RNGTT: variants seen among roughly 807,000 people sequenced by gnomAD.
RNGTT encodes mRNA-capping enzyme.
A neutral mutation model predicts 79.3 loss-of-function variants in RNGTT; 33 were observed. The ratio of observed to expected loss-of-function variants is 0.42; its 90% confidence interval spans 0.32 to 0.56. RNGTT has a LOEUF of 0.56. RNGTT is among the 20% of genes least tolerant of loss of function. The pLI is 0.17. For missense variants in RNGTT, 497 were observed against 739.1 expected (o/e 0.67, Z 3.80); for synonymous variants, 222 against 235.9 (o/e 0.94, Z 0.54).
At chr6:88,850,447 A>G (rs922877018) in intron 9 of RNGTT, among the ~76,000 whole-genome samples, 3 of 151,998 alleles carry the variant, frequency 2.0e-5, no homozygotes, top group Non-Finnish European at 2.9e-5. Context: ...GGATGACTAC[A>G]GGTATAAAAT....
chr6:88,801,073 A>T (rs901456890), intron 12 of RNGTT, among the ~76,000 whole-genome samples: 2 of 152,244 alleles, frequency 1.3e-5, no homozygotes, highest in African/African-American at 4.8e-5. Flanking sequence ...AAAGTTCTTC[A>T]GTGCATTTCA....
intron 8 of RNGTT, among the ~76,000 whole-genome samples, chr6:88,864,360 A>G (rs1782103016): frequency 1.3e-5 from 2 of 152,148 alleles, no homozygotes; most frequent in Non-Finnish European, 2.9e-5. Context: ...AAATAAAATG[A>G]ACTGTTCATT....
intron 14 of RNGTT, among the ~76,000 whole-genome samples, chr6:88,642,378 G>A (rs1359407291): frequency 6.6e-6 from 1 of 152,102 alleles, no homozygotes; most frequent in Non-Finnish European, 1.5e-5. Context: ...AGAAGGTAGG[G>A]ATACTTCTAA....
At chr6:88,640,725 T>C (rs1024320167) in intron 14 of RNGTT, among the ~76,000 whole-genome samples, 35 of 152,152 alleles carry the variant, frequency 2.3e-4, no homozygotes, top group Non-Finnish European at 4.7e-4. Flanking sequence ...CTGCATATTA[T>C]TATTCCAGTT....
At chr6:88,633,300 A>G (rs1176895735) in intron 14 of RNGTT, among the ~76,000 whole-genome samples, 2 of 152,200 alleles carry the variant, frequency 1.3e-5, no homozygotes, top group African/African-American at 4.8e-5. Context: ...ATACAAAGGA[A>G]TTATAGAAAT....
chr6:88,897,797 T>C (rs1389629004), intron 6 of RNGTT, among the ~76,000 whole-genome samples: 1 of 152,134 alleles, frequency 6.6e-6, no homozygotes, highest in Non-Finnish European at 1.5e-5. Flanking sequence ...TGAATAAATT[T>C]TTTTCCTCCT....
At chr6:88,817,946 A>G (rs1280186981) in intron 11 of RNGTT, among the ~76,000 whole-genome samples, 2 of 151,582 alleles carry the variant, frequency 1.3e-5, no homozygotes, top group Non-Finnish European at 2.9e-5. Flanking sequence ...CTTTTAGTAG[A>G]AACGGGGTTT....
intron 12 of RNGTT, among the ~76,000 whole-genome samples, chr6:88,797,237 A>C (rs552311993): frequency 4.3e-4 from 66 of 152,288 alleles, no homozygotes; most frequent in Admixed American, 4.1e-3. Flanking sequence ...AAACACAATA[A>C]AAAATTTGGG....
At chr6:88,787,913 C>T (rs1476495428) in intron 12 of RNGTT, among the ~76,000 whole-genome samples, 1 of 152,116 alleles carries the variant, frequency 6.6e-6, no homozygotes, top group East Asian at 1.9e-4. Context: ...TAAGTAACTG[C>T]ATTTAGTAAC....
At chr6:88,723,097 A>G (rs1776759327) in intron 13 of RNGTT, among the ~76,000 whole-genome samples, 1 of 152,230 alleles carries the variant, frequency 6.6e-6, no homozygotes, top group Non-Finnish European at 1.5e-5. Context: ...TAACTCAGAC[A>G]GGTCCTTCAG....
intron 13 of RNGTT, among the ~76,000 whole-genome samples, chr6:88,756,434 C>T (rs1220398173): frequency 2.0e-5 from 3 of 152,150 alleles, no homozygotes; most frequent in African/African-American, 4.8e-5. Flanking sequence ...GATCATGCCA[C>T]TGCATGCCAG....
At chr6:88,649,786 G>C (rs751944610) in intron 14 of RNGTT, among the ~76,000 whole-genome samples, 9 of 152,248 alleles carry the variant, frequency 5.9e-5, no homozygotes, top group South Asian at 2.1e-4. Flanking sequence ...TAGAGTGTAA[G>C]GTTTTCAGGA....
In RNGTT at chr6:88,902,772, T is replaced by C. The variant is rs191179558; in HGVS notation, c.684+1943A>G. ...GTACAGTGGCGCAATCTTGGCTCAC[T>C]GCAACCTCTGCCTCTGGGGTTCAAG... On this transcript the variant is annotated intron_variant, in intron 6 of 15. Coordinates refer to ENST00000369485, the MANE Select transcript of RNGTT (RefSeq NM_003800.5). Among the ~76,000 whole-genome samples the C allele has an allele frequency of 1.4e-4, 20 of 141,078 alleles. No individual in the cohort carries two copies. In the Admixed American group the frequency reaches 1.4e-3, roughly 10 times the overall value. 92.6% of individuals were successfully genotyped at this position (141,078 alleles called of 152,430 possible). A position where few individuals can be genotyped will look rare whatever the true frequency, so the allele number is the denominator to read the frequency against.
rs190892147 is a variant in RNGTT, at chr6:88,686,235, C to G, written c.1440-7816G>C. Among the ~76,000 whole-genome samples, 233 of 151,402 alleles carry G rather than the reference C, an allele frequency of 1.5e-3. 1 individual carries two copies. The highest frequency in any genetic ancestry group is 2.2e-3 in the Non-Finnish European group (148 of 67,750). ...TAAAACTAACAAAAGAAGTGAAAGA[C>G]CTTAATTAATAAAAGTATCAAACAT... On this transcript the variant is annotated intron_variant, in intron 13 of 15. Coordinates refer to ENST00000369485, the MANE Select transcript of RNGTT (RefSeq NM_003800.5).
chr6:88,756,402 G>A (rs772352510), intron 13 of RNGTT, among the ~76,000 whole-genome samples: 5 of 152,116 alleles, frequency 3.3e-5, no homozygotes, highest in Non-Finnish European at 5.9e-5. Context: ...GAACCAGGGC[G>A]GCGGAGGTTG....
chr6:88,682,456 G>C (rs1775125445), intron 13 of RNGTT, among the ~76,000 whole-genome samples: 1 of 152,120 alleles, frequency 6.6e-6, no homozygotes. Context: ...ACTGAATATA[G>C]GATCAGTAGT....
At chr6:88,801,154 TCTACAGTAAA>T (rs1292725176) in intron 12 of RNGTT, among the ~76,000 whole-genome samples, 38 of 152,238 alleles carry the variant, frequency 2.5e-4, no homozygotes, top group African/African-American at 8.0e-4. Context: ...TGAATTTTAC[TCTACAGTAAA>T]CTACAGCAAA....
chr6:88,805,881 T>C (rs1779937537), intron 11 of RNGTT, among the ~76,000 whole-genome samples: 1 of 152,122 alleles, frequency 6.6e-6, no homozygotes, highest in Non-Finnish European at 1.5e-5. Context: ...AGAAAACCCT[T>C]TTATACTCTA....
rs534572300 is a variant in RNGTT, at chr6:88,612,558, A to T, written c.*161T>A. On this transcript the variant is annotated 3_prime_UTR_variant, in exon 16 of 16. Transcript: ENST00000369485. ...CACTGAGGAAACGAATGCATCAAGT[A>T]TTTACAGGCTGGCTACGATAACTTT... 1.5e-4 allele frequency: 107 copies of T among 723,552 alleles called. 1 individual carries two copies. The East Asian group carries it at 2.2e-3, about 15-fold the overall frequency. 44.8% of individuals were successfully genotyped at this position (723,552 alleles called of 1,614,324 possible).
Sources: gnomAD v4.1 joint callset for allele counts (sites outside exome capture counted in the v4.1 genomes callset) on GRCh38, gnomAD v4.1.1 for gene constraint, MANE v1.5 for transcripts, NCBI Gene and HGNC (gene_info 2026-07-23, HGNC 2026-07-21) for gene names.